Variants in ZBTB37 observed in about 807,000 individuals in gnomAD.
The protein encoded by ZBTB37 is zinc finger and BTB domain containing 37.
In ZBTB37, 15 loss-of-function variants were observed where a neutral mutation model predicts 37.7. That is an observed-to-expected ratio of 0.40 (90% CI 0.27 to 0.61). The LOEUF (loss-of-function observed/expected upper bound fraction) is 0.61. Ranked by LOEUF, ZBTB37 falls within the 20% of genes least tolerant of loss-of-function variation. The pLI is 0.44. For missense variants in ZBTB37, 514 were observed against 641.9 expected, an observed-to-expected ratio of 0.80 and a Z score of 2.15; for synonymous variants, 231 against 220.6, an observed-to-expected ratio of 1.05 and a Z score of -0.42.
At chr1:173,871,521 G>A (rs1037886292) in intron 3 of ZBTB37, among the ~76,000 whole-genome samples, 1 of 152,242 alleles carries the variant, frequency 6.6e-6, no homozygotes, top group South Asian at 2.1e-4. Flanking sequence ...TTATCACACA[G>A]GTAGGTGGCC....
chr1:173,874,289 T>C (rs1557884602), intron 4 of ZBTB37, among the ~76,000 whole-genome samples: 1 of 151,346 alleles, frequency 6.6e-6, no homozygotes, highest in Non-Finnish European at 1.5e-5. Context: ...ACAAGGGAAC[T>C]TTCTTAATCT....
At chr1:173,873,648 AG>A in intron 4 of ZBTB37, 82 bp downstream of exon 4, 1 of 1,567,944 alleles carries the variant, frequency 6.4e-7, no homozygotes. Context: ...GAAAAAGAAA[AG>A]ATGTAGGAGA....
intron 4 of ZBTB37, among the ~76,000 whole-genome samples, chr1:173,883,244 C>T (rs1049672915): frequency 1.3e-5 from 2 of 152,154 alleles, no homozygotes; most frequent in African/African-American, 4.8e-5. Flanking sequence ...TTTGGGAGGC[C>T]AAGGCGGGCA....
At chr1:173,888,398 A>G (rs2102754457), downstream of ZBTB37, 2 of 152,290 alleles carry the variant, frequency 1.3e-5, no homozygotes, top group African/African-American at 4.8e-5. Context: ...GAGAAATAGT[A>G]TGCTAGAAAG....
rs998552824 is a variant in ZBTB37, at chr1:173,882,330, C to G, written c.1024-3306C>G. Among the ~76,000 whole-genome samples the G allele has an allele frequency of 2.0e-5, 3 of 149,416 alleles. No individual in the cohort carries two copies. In the Admixed American group the frequency reaches 2.0e-4, roughly 10 times the overall value. On this transcript the variant is annotated intron_variant, in intron 4 of 4. Coordinates refer to ENST00000427304, the Ensembl canonical transcript of ZBTB37. Reference sequence around the variant, plus strand: ...AATCTCTGCTCACTGCAAGCTCTGCCTCCCAGGTTCACGCCATTCTCTTGC... The same window carrying G: ...AATCTCTGCTCACTGCAAGCTCTGCGTCCCAGGTTCACGCCATTCTCTTGC...
At chr1:173,876,430 G>A (rs1655972300) in intron 4 of ZBTB37, among the ~76,000 whole-genome samples, 1 of 152,086 alleles carries the variant, frequency 6.6e-6, no homozygotes, top group Non-Finnish European at 1.5e-5. Context: ...CAATTCTCCT[G>A]TCTCAGCTTC....
At chr1:173,886,121 C>G in exon 5 of ZBTB37, 1 of 1,549,520 alleles carries the variant, frequency 6.5e-7, no homozygotes, top group East Asian at 2.4e-5. Flanking sequence ...CTGGGCCAGA[C>G]TGAAACATCC....
At chr1:173,880,007 A>T (rs972724895) in intron 4 of ZBTB37, among the ~76,000 whole-genome samples, 3 of 152,174 alleles carry the variant, frequency 2.0e-5, no homozygotes, top group African/African-American at 4.8e-5. Flanking sequence ...GCCACCTAGC[A>T]ATCACCAACT....
At chr1:173,871,446 C>T (rs1008342781) in intron 3 of ZBTB37, among the ~76,000 whole-genome samples, 2 of 152,184 alleles carry the variant, frequency 1.3e-5, no homozygotes, top group Non-Finnish European at 2.9e-5. Context: ...AGGGCTTCCT[C>T]GGGATTCGAG....
At chr1:173,871,797 C>G (rs1655584540) in intron 3 of ZBTB37, among the ~76,000 whole-genome samples, 1 of 152,154 alleles carries the variant, frequency 6.6e-6, no homozygotes, top group Admixed American at 6.5e-5. Context: ...CCCCATGCCT[C>G]ACTTTTCTCT....
rs1470744934 is a variant in ZBTB37, at chr1:173,872,136, TCG to T, written c.923+989_923+990del. Reference sequence around the variant, plus strand: ...CAGGCTGGAGTGCAGTGGTGCGATCTCGGCTCACTGCAAGCTCTGCCTCCCAG... The same window carrying T: ...CAGGCTGGAGTGCAGTGGTGCGATCTGCTCACTGCAAGCTCTGCCTCCCAG... On this transcript the variant is annotated intron_variant, in intron 3 of 4. Transcript: ENST00000427304. Among the ~76,000 whole-genome samples, 7 of 152,308 alleles carry T rather than the reference TCG, an allele frequency of 4.6e-5. No homozygotes were observed. In the South Asian group the frequency reaches 1.2e-3, roughly 27 times the overall value.
intron 4 of ZBTB37, among the ~76,000 whole-genome samples, chr1:173,885,127 A>T (rs1219834763): frequency 6.6e-6 from 1 of 152,178 alleles, no homozygotes; most frequent in Non-Finnish European, 1.5e-5. Flanking sequence ...CCAGCTACTC[A>T]GGAGGCTGAG....
At position 173,870,318 on chromosome 1, in the gene ZBTB37, C is replaced by T. The variant is rs1257809837; in HGVS notation, c.93C>T (p.Leu31=). 3.1e-6 allele frequency: 5 copies of T among 1,614,090 alleles called. No individual in the cohort carries two copies. The African/African-American group carries it at 4.0e-5, about 13-fold the overall frequency. Residue 31 remains leucine, a synonymous_variant, in exon 3 of 5, where the codon CTC becomes CTT. Coordinates refer to ENST00000427304, the Ensembl canonical transcript of ZBTB37. The stretch of plus-strand genomic sequence containing the variant: ...ACCAGTTGCGCATGCAGGGCCGTCT[C>T]TGTGATATTGTGGTCAATGTGCAAG...
rs375724583 is a variant in ZBTB37 at position 173,882,296 on chromosome 1, C to T, written c.1024-3340C>T. Among the ~76,000 whole-genome samples, 73 of 128,894 alleles carry T rather than the reference C, an allele frequency of 5.7e-4. No homozygotes were observed. In the East Asian group the frequency reaches 0.016, roughly 29 times the overall value. The allele number at this position is 128,894 out of a possible 152,430, so 84.6% of individuals were successfully genotyped here. ...TGGCTCTGTCGTCCAGGCTGGAGTG[C>T]AGTGGCGCAATCTCTGCTCACTGCA... On this transcript the variant is annotated intron_variant, in intron 4 of 4. Coordinates refer to ENST00000427304, the Ensembl canonical transcript of ZBTB37.
At chr1:173,886,125 A>C (rs1656609393) in exon 5 of ZBTB37, 1 of 1,549,242 alleles carries the variant, frequency 6.5e-7, no homozygotes. Flanking sequence ...GCCAGACTGA[A>C]ACATCCAGGG....
chr1:173,886,903 T>G (rs1656648779), downstream of ZBTB37: 1 of 152,218 alleles, frequency 6.6e-6, no homozygotes, highest in Non-Finnish European at 1.5e-5. Flanking sequence ...GTTTTGCAAA[T>G]ATCAAACAGC....
At chr1:173,903,360 T>G (rs1399685833) in exon 4 of ZBTB37, 1 of 157,374 alleles carries the variant, frequency 6.4e-6, no homozygotes, top group Non-Finnish European at 1.4e-5. Context: ...TAGCAAAAGC[T>G]TTCTCGTTGA....
chr1:173,872,090 A>ACGGAGTCT (rs780331519), intron 3 of ZBTB37, among the ~76,000 whole-genome samples: 3 of 152,154 alleles, frequency 2.0e-5, no homozygotes, highest in Non-Finnish European at 4.4e-5. Flanking sequence ...TTTATTTGAG[A>ACGGAGTCT]CGGAGTCTCG....
At chr1:173,883,496 T>A (rs868861583) in intron 4 of ZBTB37, among the ~76,000 whole-genome samples, 5 of 152,244 alleles carry the variant, frequency 3.3e-5, no homozygotes, top group Middle Eastern at 3.4e-3. Flanking sequence ...TGTACTGTTA[T>A]CATGTTCAAT....
Sources: allele counts gnomAD v4.1 joint callset (sites outside exome capture counted in the v4.1 genomes callset), GRCh38; gene constraint gnomAD v4.1.1; transcripts MANE v1.5; gene names NCBI Gene and HGNC (gene_info 2026-07-23, HGNC 2026-07-21).